Variants in CUL1 observed in about 807,000 individuals in gnomAD.
CUL1 encodes the protein cullin 1.
Under a neutral mutation model 118.0 loss-of-function variants are expected in CUL1, and 24 were observed. The observed-to-expected ratio is 0.20, with a 90% CI of 0.15 to 0.29. The LOEUF (loss-of-function observed/expected upper bound fraction) is 0.29, where lower values mean the gene tolerates loss of function less well. Among genes scored for constraint, CUL1 ranks in the 10% least tolerant of loss-of-function variants. CUL1 has a pLI of 1.00. For missense variants in CUL1, 361 were observed against 933.8 expected (o/e 0.39, Z 7.99); for synonymous variants, 332 against 340.4 (o/e 0.98, Z 0.27).
intron 9 of CUL1, among the ~76,000 whole-genome samples, chr7:148,769,484 AT>A (rs1800135224): frequency 6.6e-6 from 1 of 150,600 alleles, no homozygotes; most frequent in African/African-American, 2.5e-5. Context: ...GAAGGGGTCA[AT>A]TCGGTGAAGA....
chr7:148,711,200 A>G (rs1798039261), intron 1 of CUL1, among the ~76,000 whole-genome samples: 1 of 152,218 alleles, frequency 6.6e-6, no homozygotes, highest in African/African-American at 2.4e-5. Context: ...GTTTCTCCTC[A>G]TACTCTCTCC....
At chr7:148,711,339 G>C (rs777130189) in intron 1 of CUL1, among the ~76,000 whole-genome samples, 2 of 152,160 alleles carry the variant, frequency 1.3e-5, no homozygotes, top group Non-Finnish European at 2.9e-5. Flanking sequence ...GAGAATGGGG[G>C]TGCAAATCTG....
At chr7:148,735,182 A>G (rs966538339) in intron 2 of CUL1, among the ~76,000 whole-genome samples, 6 of 152,206 alleles carry the variant, frequency 3.9e-5, no homozygotes, top group African/African-American at 1.4e-4. Flanking sequence ...TTCAGAATTC[A>G]CATTTAATTG....
intron 7 of CUL1, 126 bp from the exon 8 acceptor site, chr7:148,766,435 T>G (rs977136623): frequency 3.3e-5 from 27 of 821,166 alleles, no homozygotes; most frequent in Non-Finnish European, 4.6e-5. Context: ...CTTAATCGCA[T>G]TTTATTAGAG....
At chr7:148,750,463 C>T (rs1031940399) in intron 2 of CUL1, among the ~76,000 whole-genome samples, 6 of 152,212 alleles carry the variant, frequency 3.9e-5, no homozygotes, top group South Asian at 2.1e-4. Context: ...CCCCGCCCCA[C>T]GACAGGCCCT....
chr7:148,769,432 CACACACACACACACACAA>C (rs1215880069), intron 9 of CUL1, among the ~76,000 whole-genome samples: 5 of 150,990 alleles, frequency 3.3e-5, no homozygotes, highest in Non-Finnish European at 7.4e-5. Context: ...CACACACACA[CACACACACACACACACAA>C]AACGCTCACC....
At chr7:148,797,018 G>A (rs1801223267) in intron 17 of CUL1, among the ~76,000 whole-genome samples, 1 of 152,144 alleles carries the variant, frequency 6.6e-6, no homozygotes. Flanking sequence ...CCCTCAGGCT[G>A]GTCCCTTGGA....
chr7:148,698,902 C>A, upstream of CUL1: 1 of 154,472 alleles, frequency 6.5e-6, no homozygotes, highest in Non-Finnish European at 1.4e-5. Context: ...CACGCAGCTC[C>A]AGGCGGGGCA....
intron 9 of CUL1, among the ~76,000 whole-genome samples, chr7:148,769,397 T>TCA (rs55858322): frequency 0.098 from 12,676 of 128,888 alleles, 635 homozygotes; most frequent in South Asian, 0.13. Flanking sequence ...AGGGCCTGAT[T>TCA]CACACACACA....
At chr7:148,780,448 C>T (rs1196456508) in intron 9 of CUL1, among the ~76,000 whole-genome samples, 1 of 152,214 alleles carries the variant, frequency 6.6e-6, no homozygotes, top group East Asian at 1.9e-4. Flanking sequence ...AGTGGATTCA[C>T]AGGATTCATG....
intron 3 of CUL1, among the ~76,000 whole-genome samples, chr7:148,756,227 G>A (rs1049156477): frequency 6.6e-6 from 1 of 152,094 alleles, no homozygotes; most frequent in Admixed American, 6.5e-5. Flanking sequence ...CCACAAAAAA[G>A]TGTTTTTATG....
intron 9 of CUL1, among the ~76,000 whole-genome samples, chr7:148,772,722 C>T (rs1800256266): frequency 6.6e-6 from 1 of 152,216 alleles, no homozygotes; most frequent in African/African-American, 2.4e-5. Flanking sequence ...AAACTCACCT[C>T]TTCTCCATTC....
At position 148,766,049 on chromosome 7, in the gene CUL1, C is replaced by A. The variant is rs555471005; in HGVS notation, c.790-512C>A. On this transcript the variant is annotated intron_variant, in intron 7 of 21. Transcript: ENST00000325222. ...AAAAAGGAAGTTTGAAATGGAAATA[C>A]GTATTACAGAGAAAATGGCAGACAT... Among the ~76,000 whole-genome samples, 11 of 152,258 alleles carry A rather than the reference C, an allele frequency of 7.2e-5. No individual in the cohort carries two copies. In the South Asian group the frequency reaches 2.3e-3, roughly 32 times the overall value.
At chr7:148,725,219 G>GCACGCACACACACA in intron 1 of CUL1, among the ~76,000 whole-genome samples, 2 of 140,060 alleles carry the variant, frequency 1.4e-5, no homozygotes, top group African/African-American at 5.7e-5. Context: ...ACACGCGCGC[G>GCACGCACACACACA]CTCACACACA....
intron 9 of CUL1, among the ~76,000 whole-genome samples, chr7:148,768,454 G>A (rs963705437): frequency 1.4e-5 from 2 of 140,280 alleles, no homozygotes; most frequent in South Asian, 2.2e-4. Flanking sequence ...GTGCCATCTC[G>A]GCTCACTGCA....
intron 2 of CUL1, among the ~76,000 whole-genome samples, chr7:148,749,965 T>C (rs1288895637): frequency 6.6e-6 from 1 of 152,088 alleles, no homozygotes; most frequent in Non-Finnish European, 1.5e-5. Context: ...AAAGTTGGAG[T>C]GGTCTGGATA....
intron 1 of CUL1, among the ~76,000 whole-genome samples, chr7:148,715,069 G>C (rs1798171620): frequency 6.6e-6 from 1 of 152,142 alleles, no homozygotes; most frequent in Non-Finnish European, 1.5e-5. Flanking sequence ...TGTTTGTCAT[G>C]TCTGTTCATT....
Position 148,800,835 on chromosome 7 carries a change from C to G in CUL1, c.*253C>G, listed in dbSNP as rs1391262557. The G allele has an allele frequency of 2.5e-6, 1 of 395,068 alleles. No individual in the cohort carries two copies. Among genetic ancestry groups the G allele is most frequent in the Non-Finnish European group, 4.6e-6 (1 of 216,582 alleles). 24.5% of individuals were successfully genotyped at this position (395,068 alleles called of 1,614,324 possible). On this transcript the variant is annotated 3_prime_UTR_variant, in exon 22 of 22. Transcript: ENST00000325222. This position sits in a 1 kb window ranked among gnomAD's most constrained non-coding sequence, Gnocchi z 4.6. ...AACAGCGGGGACTGACCCTCCGTGCCGAGGGCTGCATGCTACCGCACTAAG... is the reference window on the plus strand; with the variant it reads ...AACAGCGGGGACTGACCCTCCGTGCGGAGGGCTGCATGCTACCGCACTAAG...
Position 148,703,564 on chromosome 7 carries a change from A to T in CUL1, c.-162+4535A>T, listed in dbSNP as rs190811569. Among the ~76,000 whole-genome samples the T allele has an allele frequency of 5.3e-5, 8 of 151,712 alleles. No homozygotes were observed. In the East Asian group the frequency reaches 1.4e-3, roughly 26 times the overall value. On this transcript the variant is annotated intron_variant, in intron 1 of 21. Transcript: ENST00000325222. ...TTTGTTTTTTTTGAGACAGAGTCTCACTCTGTCGCCCCCACTGGAGTGCAG... is the reference window on the plus strand; with the variant it reads ...TTTGTTTTTTTTGAGACAGAGTCTCTCTCTGTCGCCCCCACTGGAGTGCAG...
Sources: gnomAD v4.1 joint callset for allele counts (sites outside exome capture counted in the v4.1 genomes callset) on GRCh38, gnomAD v4.1.1 for gene constraint, Gnocchi (gnomAD v3.1) non-coding constraint, MANE v1.5 for transcripts, NCBI Gene and HGNC (gene_info 2026-07-23, HGNC 2026-07-21) for gene names.